Variants in CSMD1 observed in about 807,000 individuals in gnomAD.
The protein encoded by CSMD1 is CUB and Sushi multiple domains 1, also known as CUB and sushi domain-containing protein 1.
CSMD1 carries 213 observed loss-of-function variants against 417.5 expected under a neutral mutation model. That is an observed-to-expected ratio of 0.51 (90% CI 0.46 to 0.57). CSMD1 has a LOEUF of 0.57. Ranked by LOEUF, CSMD1 falls within the 20% of genes least tolerant of loss-of-function variation. The pLI is 0.00. For missense variants in CSMD1, 6,923 were observed against 4,529.7 expected (o/e 1.53, Z -15.17); for synonymous variants, 2,862 against 1,736.8 (o/e 1.65, Z -16.11).
At chr8:2,982,592 G>A (rs753819363) in intron 54 of CSMD1, among the ~76,000 whole-genome samples, 5 of 152,116 alleles carry the variant, frequency 3.3e-5, no homozygotes, top group South Asian at 2.1e-4. Context: ...CACTGTTCCC[G>A]TGGCATGCCT....
intron 6 of CSMD1, among the ~76,000 whole-genome samples, chr8:3,751,318 GTGTGTGTGTATA>G (rs1318804756): frequency 6.8e-6 from 1 of 146,480 alleles, no homozygotes; most frequent in African/African-American, 2.5e-5. Flanking sequence ...GTGTGTGTGT[GTGTGTGTGTATA>G]TATATATATA....
intron 21 of CSMD1, among the ~76,000 whole-genome samples, chr8:3,353,335 G>A (rs995921755): frequency 1.3e-5 from 2 of 152,124 alleles, no homozygotes; most frequent in South Asian, 2.1e-4. Context: ...GAATTCTTGC[G>A]GAAGCTTCTT....
chr8:3,462,487 T>C (rs897654665), intron 12 of CSMD1, among the ~76,000 whole-genome samples: 1 of 152,118 alleles, frequency 6.6e-6, no homozygotes, highest in African/African-American at 2.4e-5. Flanking sequence ...TGAACCCTAT[T>C]GTGAACTGCA....
chr8:4,040,588 A>T (rs975029568), intron 3 of CSMD1, among the ~76,000 whole-genome samples: 12 of 152,224 alleles, frequency 7.9e-5, no homozygotes, highest in Non-Finnish European at 7.3e-5. Flanking sequence ...TAGTTATAAT[A>T]ACATGCATAT....
intron 1 of CSMD1, among the ~76,000 whole-genome samples, chr8:4,840,373 G>A (rs901647862): frequency 1.3e-5 from 2 of 152,164 alleles, no homozygotes; most frequent in Non-Finnish European, 2.9e-5. Context: ...GAAACTAGCC[G>A]ATTACTTGCT....
At chr8:3,502,366 A>T (rs1585263301) in intron 10 of CSMD1, among the ~76,000 whole-genome samples, 1 of 138,014 alleles carries the variant, frequency 7.2e-6, no homozygotes, top group African/African-American at 2.6e-5. Context: ...CTTCATCTCA[A>T]AAAAAAAAAA....
intron 21 of CSMD1, among the ~76,000 whole-genome samples, chr8:3,351,681 C>T (rs895265588): frequency 2.0e-5 from 3 of 147,962 alleles, no homozygotes; most frequent in Non-Finnish European, 4.5e-5. Flanking sequence ...AATACATATA[C>T]ATTAAATGAT....
rs1490439233 is a variant in CSMD1, at chr8:4,265,981, T to A, written c.415+153972A>T. Among the ~76,000 whole-genome samples, 2 of 103,780 alleles carry A rather than the reference T, an allele frequency of 1.9e-5. 1 individual carries two copies. Among genetic ancestry groups the A allele is most frequent in the Admixed American group, 1.8e-4 (2 of 10,864 alleles). The allele number at this position is 103,780 out of a possible 152,430, so 68.1% of individuals were successfully genotyped here. ...GCCCCCACTGTATTCCATGCCTACT[T>A]TGTGTGCGTTTGGGCTGTGTAAGTC... is the stretch of plus-strand genomic sequence containing the variant. On this transcript the variant is annotated intron_variant, in intron 3 of 69. Transcript: ENST00000635120.
At chr8:4,611,467 G>T (rs1185008805) in intron 2 of CSMD1, among the ~76,000 whole-genome samples, 1 of 151,972 alleles carries the variant, frequency 6.6e-6, no homozygotes, top group African/African-American at 2.4e-5. Context: ...TTTCCTGATT[G>T]TATAGTTTTC....
intron 8 of CSMD1, among the ~76,000 whole-genome samples, chr8:3,590,109 A>G (rs1246173163): frequency 3.3e-5 from 5 of 152,162 alleles, no homozygotes; most frequent in African/African-American, 1.2e-4. Flanking sequence ...AATAAAAATG[A>G]CATGTAGTAA....
chr8:3,060,961 A>C (rs1402639642), intron 49 of CSMD1, among the ~76,000 whole-genome samples: 3 of 152,124 alleles, frequency 2.0e-5, no homozygotes, highest in Non-Finnish European at 4.4e-5. Flanking sequence ...CATGTTTGTT[A>C]CCTCAAAGTG....
intron 2 of CSMD1, among the ~76,000 whole-genome samples, chr8:4,544,219 G>C (rs1175428401): frequency 6.6e-6 from 1 of 151,938 alleles, no homozygotes. Context: ...TTCCTCCTTT[G>C]TCATCCTTGT....
At chr8:4,037,974 A>C (rs2130615578) in intron 3 of CSMD1, among the ~76,000 whole-genome samples, 1 of 152,318 alleles carries the variant, frequency 6.6e-6, no homozygotes, top group Middle Eastern at 3.4e-3. Context: ...AGAAACAATG[A>C]ATCAAAAAAT....
At chr8:4,284,266 G>T (rs1042570945) in intron 3 of CSMD1, among the ~76,000 whole-genome samples, 2 of 152,086 alleles carry the variant, frequency 1.3e-5, no homozygotes, top group African/African-American at 4.8e-5. Flanking sequence ...TGCTCGCGAG[G>T]CTGAGACACA....
At chr8:3,445,507 CA>C (rs1216049256) in intron 12 of CSMD1, among the ~76,000 whole-genome samples, 1 of 152,130 alleles carries the variant, frequency 6.6e-6, no homozygotes, top group Non-Finnish European at 1.5e-5. Flanking sequence ...TCTATAGCTG[CA>C]ATGTGCACAA....
intron 33 of CSMD1, among the ~76,000 whole-genome samples, chr8:3,191,388 A>T (rs1441272479): frequency 6.6e-6 from 1 of 152,188 alleles, no homozygotes; most frequent in East Asian, 1.9e-4. Flanking sequence ...CCTGGGAGGC[A>T]TAAGTTGCAG....
At chr8:4,742,579 T>C (rs1161570616) in intron 1 of CSMD1, among the ~76,000 whole-genome samples, 1 of 152,154 alleles carries the variant, frequency 6.6e-6, no homozygotes, top group Non-Finnish European at 1.5e-5. Flanking sequence ...GTTTTTTTAT[T>C]TAGCCATTAT....
intron 1 of CSMD1, among the ~76,000 whole-genome samples, chr8:4,778,169 T>C (rs1301153178): frequency 6.6e-6 from 1 of 152,164 alleles, no homozygotes; most frequent in African/African-American, 2.4e-5. Context: ...AAAACAAATA[T>C]GTCATAAAAT....
At chr8:4,185,634 A>T (rs559423139) in intron 3 of CSMD1, among the ~76,000 whole-genome samples, 5 of 152,350 alleles carry the variant, frequency 3.3e-5, no homozygotes, top group Admixed American at 6.5e-5. Flanking sequence ...TTAAATAGCT[A>T]ATGTAAAAAG....
Sources: gnomAD v4.1 joint callset for allele counts (sites outside exome capture counted in the v4.1 genomes callset) on GRCh38, gnomAD v4.1.1 for gene constraint, MANE v1.5 for transcripts, NCBI Gene and HGNC (gene_info 2026-07-23, HGNC 2026-07-21) for gene names.